HEATR3: variants seen among roughly 807,000 people sequenced by gnomAD.
The protein encoded by HEATR3 is HEAT repeat-containing protein 3.
In HEATR3, 56 loss-of-function variants were observed where a neutral mutation model predicts 72.8. The observed-to-expected ratio is 0.77, with a 90% CI of 0.62 to 0.96. HEATR3 has a LOEUF of 0.96. Among genes scored for constraint, HEATR3 ranks in the 40% least tolerant of loss-of-function variants. The pLI is 0.00. For synonymous variants in HEATR3, 331 were observed against 318.1 expected (o/e 1.04, Z -0.43); for missense variants, 747 against 831.4 (o/e 0.90, Z 1.25).
At chr16:50,076,667 A>ACTACAGGT (rs1355067411) in intron 6 of HEATR3, among the ~76,000 whole-genome samples, 1 of 150,848 alleles carries the variant, frequency 6.6e-6, no homozygotes, top group African/African-American at 2.4e-5. Flanking sequence ...CCTCCCAAGT[A>ACTACAGGT]GCTGGGACTA....
chr16:50,094,572 GTTTTT>G, intron 11 of HEATR3, 128 bp from the exon 12 acceptor site: 1 of 511,530 alleles, frequency 2.0e-6, no homozygotes, highest in Non-Finnish European at 3.4e-6. Flanking sequence ...AATATCGAGG[GTTTTT>G]TTTTGTTTGT....
chr16:50,090,987 A>G (rs987813049), intron 11 of HEATR3, among the ~76,000 whole-genome samples: 9 of 151,878 alleles, frequency 5.9e-5, no homozygotes, highest in African/African-American at 2.2e-4. Context: ...TCCACTAAAA[A>G]TACGAAAATT....
chr16:50,071,101 T>C (rs2036600884), intron 4 of HEATR3, among the ~76,000 whole-genome samples: 1 of 152,170 alleles, frequency 6.6e-6, no homozygotes, highest in Non-Finnish European at 1.5e-5. Flanking sequence ...CATTCTGTGA[T>C]TGTAGCAGTG....
chr16:50,076,211 G>C (rs1241081599), intron 6 of HEATR3, among the ~76,000 whole-genome samples: 1 of 150,232 alleles, frequency 6.7e-6, no homozygotes, highest in African/African-American at 2.5e-5. Flanking sequence ...ATTTTTTATT[G>C]TTTTGAGATG....
At chr16:50,097,324 T>C (rs934033337) in intron 12 of HEATR3, among the ~76,000 whole-genome samples, 1 of 138,786 alleles carries the variant, frequency 7.2e-6, no homozygotes, top group Non-Finnish European at 1.5e-5. Flanking sequence ...CTTTTTTTTT[T>C]TTTTACATTT....
At position 50,066,121 on chromosome 16, in the gene HEATR3, C is replaced by G. The variant is rs2036482012; in HGVS notation, c.-11C>G. On this transcript the variant is annotated 5_prime_UTR_variant, in exon 1 of 15. Transcript: ENST00000299192. ...CTCTCTCGGTGGTCTGTCCGCCCAG[C>G]GCACGTCACCATGGGCAAGAGCCGG... is the stretch of plus-strand genomic sequence containing the variant. 3 of 1,564,376 alleles carry G rather than the reference C, an allele frequency of 1.9e-6. No individual in the cohort carries two copies. The South Asian group carries it at 3.5e-5, about 18-fold the overall frequency.
Position 50,068,898 on chromosome 16 carries a change from G to A in HEATR3, c.399+31G>A, listed in dbSNP as rs763606437. On this transcript the variant is annotated intron_variant, in intron 3 of 14. Coordinates refer to ENST00000299192, the MANE Select transcript of HEATR3 (RefSeq NM_182922.4). Reference sequence around the variant, plus strand: ...CAGTTTTTACAGTATCTTGATGGTAGCTTTTGGGATGCAAACTTAGACTTT... The same window carrying A: ...CAGTTTTTACAGTATCTTGATGGTAACTTTTGGGATGCAAACTTAGACTTT... The A allele has an allele frequency of 3.9e-6, 6 of 1,525,510 alleles. No individual in the cohort carries two copies. In the African/African-American group the frequency reaches 6.9e-5, roughly 18 times the overall value. 94.5% of individuals were successfully genotyped at this position (1,525,510 alleles called of 1,614,324 possible). A position where few individuals can be genotyped will look rare whatever the true frequency, so the allele number is the denominator to read the frequency against.
chr16:50,077,154 G>A (rs1437309230), intron 6 of HEATR3, among the ~76,000 whole-genome samples: 1 of 151,916 alleles, frequency 6.6e-6, no homozygotes, highest in Non-Finnish European at 1.5e-5. Flanking sequence ...GATCACAGGC[G>A]TGAGCCACCG....
intron 12 of HEATR3, among the ~76,000 whole-genome samples, chr16:50,095,078 T>A (rs769407301): frequency 1.3e-5 from 2 of 152,118 alleles, no homozygotes; most frequent in East Asian, 3.8e-4. Flanking sequence ...TTGATAGATA[T>A]GTTGTAAATA....
At position 50,086,361 on chromosome 16, in the gene HEATR3, CT is replaced by C; in HGVS notation, c.1510+13del. The C allele has an allele frequency of 6.2e-7, 1 of 1,602,386 alleles. No individual in the cohort carries two copies. Among genetic ancestry groups the C allele is most frequent in the South Asian group, 1.1e-5 (1 of 89,026 alleles). On this transcript the variant is annotated intron_variant, in intron 11 of 14. Coordinates refer to ENST00000299192, the MANE Select transcript of HEATR3 (RefSeq NM_182922.4). ...CTTTTTTCTCAACCAGGTATTTAGACTTTATTGCGAAAGACTACGCAGACGG... is the reference window on the plus strand; with the variant it reads ...CTTTTTTCTCAACCAGGTATTTAGACTTATTGCGAAAGACTACGCAGACGG...
chr16:50,094,724 C>G lies in HEATR3; in HGVS notation c.1530C>G (p.Asp510Glu). The G allele has an allele frequency of 1.1e-5, 17 of 1,570,162 alleles. No homozygotes were observed. The highest frequency in any genetic ancestry group is 1.5e-5 in the Non-Finnish European group (17 of 1,161,104). Residue 510 changes from aspartate (D) to glutamate (E), a missense_variant, in exon 12 of 15, where the codon GAC becomes GAG. Physicochemically the swap from Asp to Glu is conservative, Grantham distance 45. Transcript: ENST00000299192. ...FSQPDFAKHVDFLEAISSALR... is the reference protein window; with the variant it reads ...FSQPDFAKHVEFLEAISSALR... ...TTTTAGATTTTGCTAAACATGTTGA[C>G]TTTCTAGAAGCCATAAGTAGTGCTT... is the stretch of plus-strand genomic sequence containing the variant.
At position 50,105,479 on chromosome 16, in the gene HEATR3, A is replaced by AAC. The variant is rs1555504372; in HGVS notation, c.*419_*420insCA. 1.3e-5 allele frequency: 2 copies of AAC among 155,852 alleles called. No homozygotes were observed. Among genetic ancestry groups the AAC allele is most frequent in the East Asian group, 3.8e-4 (2 of 5,198 alleles). The allele number at this position is 155,852 out of a possible 1,614,324, so 9.7% of individuals were successfully genotyped here. ...CCTGTCTCCAAAAAAAAAAAAAAAA[A>AAC]AAAACTTCAAAACCTGTCAGAAACT... On this transcript the variant is annotated 3_prime_UTR_variant, in exon 15 of 15. Transcript: ENST00000299192.
At chr16:50,092,510 C>T (rs2037140864) in intron 11 of HEATR3, among the ~76,000 whole-genome samples, 1 of 140,782 alleles carries the variant, frequency 7.1e-6, no homozygotes, top group Non-Finnish European at 1.5e-5. Context: ...GATCTCGGCT[C>T]ACTGCAAGCT....
In HEATR3 at chr16:50,084,742, G is replaced by T. The variant is rs2036950951; in HGVS notation, c.1373+91G>T. On this transcript the variant is annotated intron_variant, in intron 10 of 14. Coordinates refer to ENST00000299192, the MANE Select transcript of HEATR3 (RefSeq NM_182922.4). ...AATAGAAGGTGCTGACTCCCCCTAGGACCCAGAAGTTTTGTTCCTGGGTAT... is the reference window on the plus strand; with the variant it reads ...AATAGAAGGTGCTGACTCCCCCTAGTACCCAGAAGTTTTGTTCCTGGGTAT... The T allele has an allele frequency of 9.7e-6, 9 of 931,126 alleles. No individual in the cohort carries two copies. The South Asian group carries it at 1.1e-4, about 11-fold the overall frequency. 57.7% of individuals were successfully genotyped at this position (931,126 alleles called of 1,614,324 possible).
Position 50,094,690 on chromosome 16 carries a change from A to G in HEATR3, c.1511-15A>G. 1 of 1,478,866 alleles carries G rather than the reference A, an allele frequency of 6.8e-7. No homozygotes were observed. The highest frequency in any genetic ancestry group is 1.3e-5 in the South Asian group (1 of 74,684). 91.6% of individuals were successfully genotyped at this position (1,478,866 alleles called of 1,614,324 possible). Reference sequence around the variant, plus strand: ...TGGAGAAATGCAAATTTTATATTTCATTTTTGTGTTTTAGATTTTGCTAAA... The same window carrying G: ...TGGAGAAATGCAAATTTTATATTTCGTTTTTGTGTTTTAGATTTTGCTAAA... On this transcript the variant is annotated splice_polypyrimidine_tract_variant and intron_variant, in intron 11 of 14. Coordinates refer to ENST00000299192, the MANE Select transcript of HEATR3 (RefSeq NM_182922.4).
chr16:50,088,636 G>T lies in HEATR3; in HGVS notation c.1510+2285G>T, dbSNP rs115226746. On this transcript the variant is annotated intron_variant, in intron 11 of 14. Transcript: ENST00000299192. The stretch of plus-strand genomic sequence containing the variant: ...GGAAGAGATCTGGATGGTAAACGGG[G>T]AGGGGACTTTCCCCAACTTTTGCAA... Among the ~76,000 whole-genome samples, 710 of 152,328 alleles carry T rather than the reference G, an allele frequency of 4.7e-3. 4 individuals carry two copies. Among genetic ancestry groups the T allele is most frequent in the African/African-American group, 0.016 (681 of 41,576 alleles).
At chr16:50,077,840 G>C (rs2036770874) in intron 6 of HEATR3, among the ~76,000 whole-genome samples, 1 of 148,870 alleles carries the variant, frequency 6.7e-6, no homozygotes, top group South Asian at 2.1e-4. Context: ...TCTACAACTT[G>C]GATATTGTGA....
Position 50,066,485 on chromosome 16 carries a change from C to A in HEATR3, c.257C>A (p.Pro86Gln). ...CGAGACGCCGTGCGCCGCCTCGGGCCGCTGCTGCTAGACCCCAGCCTGGCC... is the reference window on the plus strand; with the variant it reads ...CGAGACGCCGTGCGCCGCCTCGGGCAGCTGCTGCTAGACCCCAGCCTGGCC... ...ARRDAVRRLG[P>Q]LLLDPSLAVR... is the part of the protein sequence containing the mutation. Residue 86 changes from proline to glutamine, a missense_variant, in exon 2 of 15, where the codon CCG (proline) becomes CAG (glutamine). Physicochemically the swap from Pro to Gln is moderately conservative, Grantham distance 76 (BLOSUM62 -1). This residue lies in a region of HEATR3 where 586 missense variants were observed against 708.8 expected (regional missense o/e 0.83). Transcript: ENST00000299192. The A allele has an allele frequency of 1.5e-6, 2 of 1,346,562 alleles. No homozygotes were observed. Among genetic ancestry groups the A allele is most frequent in the Non-Finnish European group, 1.9e-6 (2 of 1,056,694 alleles). The allele number at this position is 1,346,562 out of a possible 1,614,324, so 83.4% of individuals were successfully genotyped here. A position where few individuals can be genotyped will look rare whatever the true frequency, so the allele number is the denominator to read the frequency against.
chr16:50,068,912 A>C, intron 3 of HEATR3, 45 bp downstream of exon 3: 1 of 1,417,686 alleles, frequency 7.1e-7, no homozygotes, highest in Non-Finnish European at 9.8e-7. Flanking sequence ...TTGGGATGCA[A>C]ACTTAGACTT....
Sources: gnomAD v4.1 joint callset for allele counts (sites outside exome capture counted in the v4.1 genomes callset) on GRCh38, gnomAD v4.1.1 for gene constraint, gnomAD v4.1.1 regional missense constraint, MANE v1.5 for transcripts, NCBI Gene and HGNC (gene_info 2026-07-23, HGNC 2026-07-21) for gene names.